Variants in TTC29 observed in about 807,000 individuals in gnomAD.
TTC29 encodes the protein tetratricopeptide repeat protein 29.
A neutral mutation model predicts 58.1 loss-of-function variants in TTC29; 49 were observed. The ratio of observed to expected loss-of-function variants is 0.84; its 90% CI spans 0.67 to 1.07. The LOEUF (loss-of-function observed/expected upper bound fraction) is 1.07, where lower values mean the gene tolerates loss of function less well. TTC29 is among the 50% of genes least tolerant of loss of function. The probability of loss-of-function intolerance (pLI) is 0.00; values close to 1 mark genes in which losing one functional copy is unlikely to be tolerated. For missense variants in TTC29, 582 were observed against 555.6 expected (o/e 1.05, Z -0.48); for synonymous variants, 209 against 196.8 (o/e 1.06, Z -0.52).
intron 9 of TTC29, among the ~76,000 whole-genome samples, chr4:146,827,419 C>A (rs936816943): frequency 2.0e-5 from 3 of 152,188 alleles, no homozygotes; most frequent in Admixed American, 2.0e-4. Flanking sequence ...TTATTTTAAA[C>A]AAGTATTGGT....
intron 11 of TTC29, among the ~76,000 whole-genome samples, chr4:146,798,348 T>C (rs189466335): frequency 3.9e-5 from 6 of 152,212 alleles, no homozygotes; most frequent in Admixed American, 3.9e-4. Flanking sequence ...AATTAAAGTC[T>C]TCAGATAAAA....
intron 8 of TTC29, among the ~76,000 whole-genome samples, chr4:146,853,754 T>C (rs1361702079): frequency 6.6e-6 from 1 of 152,192 alleles, no homozygotes; most frequent in East Asian, 1.9e-4. Context: ...GCTCACTAAG[T>C]GCCAGGCACA....
intron 11 of TTC29, among the ~76,000 whole-genome samples, chr4:146,716,184 T>TA (rs1561054360): frequency 1.3e-5 from 2 of 152,296 alleles, no homozygotes; most frequent in East Asian, 3.9e-4. Context: ...GGCTTGAAGA[T>TA]AAGCTAATGA....
intron 6 of TTC29, among the ~76,000 whole-genome samples, chr4:146,882,525 G>GGTATAAACA (rs561427640): frequency 8.9e-4 from 135 of 152,074 alleles, no homozygotes; most frequent in African/African-American, 3.2e-3. Flanking sequence ...AGTGTCGATA[G>GGTATAAACA]GTATAAACAT....
chr4:146,776,870 C>T (rs1366790655), intron 11 of TTC29, among the ~76,000 whole-genome samples: 1 of 152,228 alleles, frequency 6.6e-6, no homozygotes, highest in Non-Finnish European at 1.5e-5. Context: ...TTTGTGCTCA[C>T]ATTTGTGCTA....
intron 3 of TTC29, among the ~76,000 whole-genome samples, chr4:146,938,716 A>G (rs1442961974): frequency 6.6e-6 from 1 of 152,162 alleles, no homozygotes; most frequent in Non-Finnish European, 1.5e-5. Context: ...ATTTTGTTCC[A>G]GGGGCTTTGG....
At chr4:146,818,034 A>T (rs1751536446) in intron 10 of TTC29, among the ~76,000 whole-genome samples, 1 of 152,200 alleles carries the variant, frequency 6.6e-6, no homozygotes. Context: ...CAAGGACTTC[A>T]TGTCTAAAAC....
At chr4:146,729,280 C>T (rs964002729) in intron 11 of TTC29, among the ~76,000 whole-genome samples, 1 of 152,096 alleles carries the variant, frequency 6.6e-6, no homozygotes, top group Non-Finnish European at 1.5e-5. Flanking sequence ...TACGTTTCTC[C>T]TAACATGAGT....
chr4:146,829,952 G>A (rs1004285517), intron 9 of TTC29, among the ~76,000 whole-genome samples: 1 of 152,074 alleles, frequency 6.6e-6, no homozygotes, highest in Non-Finnish European at 1.5e-5. Flanking sequence ...AGTAAATGAG[G>A]CAAAAAGAGA....
intron 4 of TTC29, among the ~76,000 whole-genome samples, chr4:146,909,903 A>T (rs1310213822): frequency 1.3e-5 from 2 of 152,160 alleles, no homozygotes; most frequent in Non-Finnish European, 2.9e-5. Flanking sequence ...GACCAAATAG[A>T]TTCCATACCC....
chr4:146,729,775 G>T (rs1300982336), intron 11 of TTC29, among the ~76,000 whole-genome samples: 2 of 152,074 alleles, frequency 1.3e-5, no homozygotes, highest in African/African-American at 4.8e-5. Flanking sequence ...GAGAGTGCTA[G>T]TGTGAAGGAG....
Position 146,730,753 on chromosome 4 carries a change from C to T in TTC29, c.1331-23202G>A, listed in dbSNP as rs71616507. Reference sequence around the variant, plus strand: ...ACTGAGAAATGACTATTGTGTTTGGCGATGCGAAAGCCATTGATGAATTTG... The same window carrying T: ...ACTGAGAAATGACTATTGTGTTTGGTGATGCGAAAGCCATTGATGAATTTG... On this transcript the variant is annotated intron_variant, in intron 11 of 12. Transcript: ENST00000325106. 8.0e-3 allele frequency among the ~76,000 whole-genome samples: 1,213 copies of T among 152,118 alleles called. 3 individuals are homozygous for T. Among genetic ancestry groups the T allele is most frequent in the Non-Finnish European group, 0.012 (790 of 67,976 alleles).
intron 7 of TTC29, among the ~76,000 whole-genome samples, chr4:146,873,954 G>A (rs1213241876): frequency 2.0e-5 from 3 of 152,004 alleles, no homozygotes; most frequent in Non-Finnish European, 4.4e-5. Context: ...TTCCTGAAAA[G>A]GCTACTCTAG....
intron 4 of TTC29, among the ~76,000 whole-genome samples, chr4:146,934,692 A>G (rs1735634866): frequency 6.6e-6 from 1 of 152,196 alleles, no homozygotes; most frequent in Non-Finnish European, 1.5e-5. Context: ...CAGCCTGCAA[A>G]GAAGACTGAA....
chr4:146,821,748 T>C (rs527597828), intron 9 of TTC29, among the ~76,000 whole-genome samples: 2 of 152,282 alleles, frequency 1.3e-5, no homozygotes, highest in African/African-American at 4.8e-5. Context: ...GATTGTAAAC[T>C]CCTGACCCTT....
chr4:146,907,643 G>A (rs920814517), intron 5 of TTC29, among the ~76,000 whole-genome samples: 2 of 152,196 alleles, frequency 1.3e-5, no homozygotes, highest in South Asian at 2.1e-4. Flanking sequence ...GATTACAGGC[G>A]TCCGCCATCA....
At chr4:146,797,775 G>A (rs2150111036) in intron 11 of TTC29, among the ~76,000 whole-genome samples, 1 of 148,062 alleles carries the variant, frequency 6.8e-6, no homozygotes, top group Admixed American at 6.7e-5. Context: ...TTAAATTCCA[G>A]TTTGTGGTTT....
chr4:146,749,467 C>T (rs1481566209), intron 11 of TTC29, among the ~76,000 whole-genome samples: 1 of 151,924 alleles, frequency 6.6e-6, no homozygotes, highest in Non-Finnish European at 1.5e-5. Flanking sequence ...GAAATGACCT[C>T]CATCAGAGGA....
intron 6 of TTC29, among the ~76,000 whole-genome samples, chr4:146,888,119 T>C (rs1421279781): frequency 6.6e-6 from 1 of 152,176 alleles, no homozygotes; most frequent in Non-Finnish European, 1.5e-5. Flanking sequence ...ATGAAACTCT[T>C]GAACACAAGT....
Sources: allele counts gnomAD v4.1 joint callset (sites outside exome capture counted in the v4.1 genomes callset), GRCh38; gene constraint gnomAD v4.1.1; transcripts MANE v1.5; gene names NCBI Gene and HGNC (gene_info 2026-07-23, HGNC 2026-07-21).